The following KLHL29 variants were observed in gnomAD, a reference collection of about 807,000 sequenced individuals.
KLHL29 encodes kelch-like protein 29.
KLHL29 carries 21 observed loss-of-function variants against 80.4 expected under a neutral mutation model. That is an observed-to-expected ratio of 0.26 (90% CI 0.19 to 0.38). The LOEUF is 0.38. KLHL29 is among the 10% of genes least tolerant of loss of function. KLHL29 has a pLI of 1.00. For missense variants in KLHL29, 867 were observed against 1,223.9 expected (o/e 0.71, Z 4.35); for synonymous variants, 511 against 526.8 (o/e 0.97, Z 0.41).
chr2:23,485,630 G>A (rs1389651568), intron 2 of KLHL29, among the ~76,000 whole-genome samples: 2 of 152,210 alleles, frequency 1.3e-5, no homozygotes, highest in Non-Finnish European at 2.9e-5. Context: ...AGAAAGGTAT[G>A]TTCCATATTC....
Position 23,503,142 on chromosome 2 carries a change from C to A in KLHL29, c.-46+27475C>A, listed in dbSNP as rs555184351. Among the ~76,000 whole-genome samples the A allele has an allele frequency of 6.6e-6, 1 of 152,296 alleles. No homozygotes were observed. Among genetic ancestry groups the A allele is most frequent in the East Asian group, 1.9e-4 (1 of 5,190 alleles). ...AGGGCATGATAAGAAAAGGAGTAAG[C>A]AATTAAAATGCACAGGGCTACGGCA... On this transcript the variant is annotated intron_variant, in intron 2 of 13. Transcript: ENST00000486442. The surrounding 1 kb of genome is among the most constrained non-coding windows in gnomAD (Gnocchi z 4.0).
intron 1 of KLHL29, among the ~76,000 whole-genome samples, chr2:23,447,900 G>A (rs1663756127): frequency 6.6e-6 from 1 of 152,116 alleles, no homozygotes; most frequent in Non-Finnish European, 1.5e-5. Flanking sequence ...TATGACGTTT[G>A]TCATCTGAAT....
chr2:23,447,602 T>A (rs1183189665), intron 1 of KLHL29, among the ~76,000 whole-genome samples: 2 of 152,240 alleles, frequency 1.3e-5, no homozygotes, highest in African/African-American at 4.8e-5. Flanking sequence ...TGAGGCCCAG[T>A]TGTCCCTTCC....
At chr2:23,408,560 T>C (rs1223853919) in intron 1 of KLHL29, among the ~76,000 whole-genome samples, 1 of 152,208 alleles carries the variant, frequency 6.6e-6, no homozygotes, top group African/African-American at 2.4e-5. Context: ...GTGAGATCGT[T>C]CTGTCCCAAC....
chr2:23,488,933 G>A (rs986952199), intron 2 of KLHL29, among the ~76,000 whole-genome samples: 5 of 152,196 alleles, frequency 3.3e-5, no homozygotes, highest in Middle Eastern at 3.2e-3. Context: ...TTTTATTCTC[G>A]GACTTGGCCG....
chr2:23,559,656 G>A lies in KLHL29; in HGVS notation c.-45-2496G>A, dbSNP rs1027554279. Among the ~76,000 whole-genome samples the A allele has an allele frequency of 4.2e-4, 64 of 152,098 alleles. 1 individual carries two copies. The highest frequency in any genetic ancestry group is 2.9e-3 in the Admixed American group (45 of 15,262). On this transcript the variant is annotated intron_variant, in intron 2 of 13. Transcript: ENST00000486442. ...GGGTGTTTGGGCGAAGGAACATTGC[G>A]CTAATTTAGCAACTTTGGGCGTTTA...
At chr2:23,515,973 G>A (rs1665908963) in intron 2 of KLHL29, among the ~76,000 whole-genome samples, 1 of 152,198 alleles carries the variant, frequency 6.6e-6, no homozygotes, top group Non-Finnish European at 1.5e-5. Context: ...TTATTAAAAA[G>A]ATAAATGAAT....
intron 3 of KLHL29, among the ~76,000 whole-genome samples, chr2:23,594,492 G>A (rs1216739130): frequency 2.0e-5 from 3 of 152,068 alleles, no homozygotes; most frequent in East Asian, 1.9e-4. Context: ...TCTTTTCACC[G>A]TGTTTCTGTA....
chr2:23,544,571 G>A (rs1339751391), intron 2 of KLHL29, among the ~76,000 whole-genome samples: 3 of 152,210 alleles, frequency 2.0e-5, no homozygotes, highest in Non-Finnish European at 2.9e-5. Context: ...AGAAATCTAA[G>A]TAAGTAAACT....
At chr2:23,424,902 A>G (rs1408188029) in intron 1 of KLHL29, among the ~76,000 whole-genome samples, 1 of 152,250 alleles carries the variant, frequency 6.6e-6, no homozygotes, top group Non-Finnish European at 1.5e-5. Flanking sequence ...GGGTCACAAA[A>G]GCAGTTTTTA....
rs144412404 is a variant in KLHL29, at chr2:23,678,418, C to T, written c.941-5981C>T. On this transcript the variant is annotated intron_variant, in intron 5 of 13. Coordinates refer to ENST00000486442, the MANE Select transcript of KLHL29 (RefSeq NM_052920.2). ...GCTTTGCTCACTTTCACTCACTCTC[C>T]GGGGACCCCTGGCACCACTATCATA... Among the ~76,000 whole-genome samples the T allele has an allele frequency of 2.1e-3, 317 of 152,298 alleles. 1 individual carries two copies. Among genetic ancestry groups the T allele is most frequent in the Non-Finnish European group, 3.2e-3 (217 of 68,028 alleles).
intron 2 of KLHL29, among the ~76,000 whole-genome samples, chr2:23,488,004 G>A (rs968487243): frequency 2.0e-5 from 3 of 152,086 alleles, no homozygotes; most frequent in Admixed American, 6.5e-5. Flanking sequence ...AACCTCCTAC[G>A]GCCAGTGATG....
rs566739683 is a variant in KLHL29, at chr2:23,598,811, C to T, written c.285+36330C>T. ...ATAATGGGATGGAGCCTGATAGTTC[C>T]GAGTGGCCAGCATTGAGATGAGGCT... is the stretch of plus-strand genomic sequence containing the variant. On this transcript the variant is annotated intron_variant, in intron 3 of 13. Coordinates refer to ENST00000486442, the MANE Select transcript of KLHL29 (RefSeq NM_052920.2). Among the ~76,000 whole-genome samples the T allele has an allele frequency of 6.6e-5, 10 of 152,308 alleles. No individual in the cohort carries two copies. In the South Asian group the frequency reaches 1.2e-3, roughly 19 times the overall value.
intron 2 of KLHL29, among the ~76,000 whole-genome samples, chr2:23,492,846 T>C (rs983121081): frequency 6.6e-6 from 1 of 151,912 alleles, no homozygotes; most frequent in Non-Finnish European, 1.5e-5. Flanking sequence ...ATCGGCTGGG[T>C]TCCTTGAAGG....
chr2:23,645,599 C>G (rs1669905185), intron 5 of KLHL29, among the ~76,000 whole-genome samples: 1 of 152,226 alleles, frequency 6.6e-6, no homozygotes. Context: ...ACGTGACAAC[C>G]TGGCCTCTCC....
At chr2:23,522,443 C>A (rs1666133887) in intron 2 of KLHL29, among the ~76,000 whole-genome samples, 1 of 152,184 alleles carries the variant, frequency 6.6e-6, no homozygotes, top group South Asian at 2.1e-4. Context: ...AGCCACCACA[C>A]CCAGCCTCTA....
At chr2:23,648,333 A>T (rs1669996196) in intron 5 of KLHL29, among the ~76,000 whole-genome samples, 1 of 152,268 alleles carries the variant, frequency 6.6e-6, no homozygotes, top group South Asian at 2.1e-4. Flanking sequence ...ATTGCCTAGC[A>T]TGCAGGAATC....
At chr2:23,626,413 C>T (rs188796244) in intron 3 of KLHL29, among the ~76,000 whole-genome samples, 36 of 152,298 alleles carry the variant, frequency 2.4e-4, no homozygotes, top group African/African-American at 8.4e-4. Context: ...TGGTTTAAGC[C>T]ATCCAGTGAT....
chr2:23,572,470 G>A (rs1343071510), intron 3 of KLHL29, among the ~76,000 whole-genome samples: 12 of 152,084 alleles, frequency 7.9e-5, no homozygotes, highest in African/African-American at 2.9e-4. Flanking sequence ...TTATTTATTT[G>A]TCTCCTTATG....
Sources: gnomAD v4.1 joint callset for allele counts (sites outside exome capture counted in the v4.1 genomes callset) on GRCh38, gnomAD v4.1.1 for gene constraint, Gnocchi (gnomAD v3.1) non-coding constraint, MANE v1.5 for transcripts, NCBI Gene and HGNC (gene_info 2026-07-23, HGNC 2026-07-21) for gene names.